Variants in RBFOX1 observed in about 807,000 individuals in gnomAD.
RBFOX1 encodes RNA binding fox-1 homolog 1.
Under a neutral mutation model 57.7 loss-of-function variants are expected in RBFOX1, and 8 were observed. The observed-to-expected ratio is 0.14, with a 90% CI of 0.08 to 0.25. The LOEUF is 0.25. Among genes scored for constraint, RBFOX1 ranks in the 10% least tolerant of loss-of-function variants. The pLI, the probability that RBFOX1 is intolerant of heterozygous loss-of-function variation, is 1.00. For missense variants in RBFOX1, 611 were observed against 548.5 expected (o/e 1.11, Z -1.14); for synonymous variants, 326 against 222.4 (o/e 1.47, Z -4.15).
At chr16:7,695,062 G>A (rs756800433) in intron 14 of RBFOX1, among the ~76,000 whole-genome samples, 9 of 152,188 alleles carry the variant, frequency 5.9e-5, no homozygotes, top group East Asian at 1.9e-4. Flanking sequence ...GTTTGCATGC[G>A]TGTGGTGAGT....
Position 7,217,008 on chromosome 16 carries a change from CT to C in RBFOX1, c.27+164912del, listed in dbSNP as rs1378526027. 1.1e-3 allele frequency among the ~76,000 whole-genome samples: 63 copies of C among 55,768 alleles called. 1 individual carries two copies. Among genetic ancestry groups the C allele is most frequent in the African/African-American group, 5.4e-3 (59 of 10,936 alleles). The allele number at this position is 55,768 out of a possible 152,430, so 36.6% of individuals were successfully genotyped here. A position where few individuals can be genotyped will look rare whatever the true frequency, so the allele number is the denominator to read the frequency against. ...TTTTCCTTCCTTCCTCCCTCCCTCCCTTCCCTCCCTCCCTCCCTCCCTCCCT... is the reference window on the plus strand; with the variant it reads ...TTTTCCTTCCTTCCTCCCTCCCTCCCTCCCTCCCTCCCTCCCTCCCTCCCT... On this transcript the variant is annotated intron_variant, in intron 4 of 15. Coordinates refer to ENST00000550418, the MANE Select transcript of RBFOX1 (RefSeq NM_018723.4).
chr16:6,550,885 A>G (rs1034655418), intron 2 of RBFOX1, among the ~76,000 whole-genome samples: 11 of 152,218 alleles, frequency 7.2e-5, no homozygotes, highest in Admixed American at 2.0e-4. Flanking sequence ...TTCTTCCCAG[A>G]CAAGTCTAAA....
At chr16:6,264,516 C>T (rs1007359860) in intron 1 of RBFOX1, among the ~76,000 whole-genome samples, 10 of 152,300 alleles carry the variant, frequency 6.6e-5, no homozygotes, top group South Asian at 2.1e-4. Context: ...CATCGGTTCT[C>T]ATTGCTTACC....
chr16:7,225,810 G>C (rs2093063075), intron 4 of RBFOX1, among the ~76,000 whole-genome samples: 6 of 147,404 alleles, frequency 4.1e-5, no homozygotes, highest in Admixed American at 4.1e-4. Flanking sequence ...TGTAAATGAC[G>C]AGTTAATGGG....
intron 4 of RBFOX1, among the ~76,000 whole-genome samples, chr16:7,507,757 G>A (rs1470649831): frequency 6.6e-6 from 1 of 151,800 alleles, no homozygotes; most frequent in African/African-American, 2.4e-5. Flanking sequence ...TAGAGACGCG[G>A]TTTCACCGTG....
chr16:5,921,386 C>A (rs1337653081), intron 4 of RBFOX1, among the ~76,000 whole-genome samples: 1 of 152,088 alleles, frequency 6.6e-6, no homozygotes, highest in Non-Finnish European at 1.5e-5. Flanking sequence ...AAGGTGGAAT[C>A]TGATGAAAGT....
intron 4 of RBFOX1, among the ~76,000 whole-genome samples, chr16:7,052,964 C>G (rs1460233482): frequency 1.3e-5 from 2 of 152,032 alleles, no homozygotes; most frequent in South Asian, 2.1e-4. Flanking sequence ...GAGAAATATG[C>G]TGCTTTTAAA....
At chr16:5,567,464 G>A (rs1177900214) in intron 2 of RBFOX1, among the ~76,000 whole-genome samples, 1 of 151,960 alleles carries the variant, frequency 6.6e-6, no homozygotes. Context: ...TTACAGACTG[G>A]GAAGCATGAA....
intron 2 of RBFOX1, among the ~76,000 whole-genome samples, chr16:6,348,212 G>A (rs1219024668): frequency 6.6e-6 from 1 of 152,130 alleles, no homozygotes; most frequent in East Asian, 1.9e-4. Context: ...GTGGGGTCAG[G>A]CCATCCAGGT....
At chr16:7,671,629 A>T (rs1417171782) in intron 13 of RBFOX1, 1 of 1,583,458 alleles carries the variant, frequency 6.3e-7, no homozygotes, top group Admixed American at 1.7e-5. Flanking sequence ...GGAGAAACTC[A>T]TCACTATGAT....
chr16:6,516,810 G>A (rs2096388283), intron 2 of RBFOX1, among the ~76,000 whole-genome samples: 1 of 152,122 alleles, frequency 6.6e-6, no homozygotes, highest in Admixed American at 6.6e-5. Flanking sequence ...AGTTGGTAGA[G>A]ACATTGCAAC....
intron 3 of RBFOX1, among the ~76,000 whole-genome samples, chr16:6,678,313 T>C (rs545155973): frequency 2.0e-5 from 3 of 152,176 alleles, no homozygotes; most frequent in African/African-American, 7.2e-5. Flanking sequence ...TTAGTAGAGA[T>C]GGGGTTTCAT....
At chr16:5,742,096 G>A (rs1431633610) in intron 3 of RBFOX1, among the ~76,000 whole-genome samples, 1 of 152,242 alleles carries the variant, frequency 6.6e-6, no homozygotes, top group South Asian at 2.1e-4. Context: ...TCTGATTCTG[G>A]AGCATAAGGA....
chr16:6,855,393 T>C (rs2057654185), intron 3 of RBFOX1, among the ~76,000 whole-genome samples: 1 of 152,050 alleles, frequency 6.6e-6, no homozygotes, highest in South Asian at 2.1e-4. Flanking sequence ...GGCTCACGCC[T>C]GTAATCCCAG....
chr16:6,315,945 C>T (rs984345505), intron 1 of RBFOX1, among the ~76,000 whole-genome samples: 3 of 152,122 alleles, frequency 2.0e-5, no homozygotes, highest in Non-Finnish European at 4.4e-5. Flanking sequence ...ATCTATATAT[C>T]TAGATATACC....
rs947255623 is a variant in RBFOX1 at position 6,592,257 on chromosome 16, G to T, written c.-63-62346G>T. Among the ~76,000 whole-genome samples, 3 of 152,154 alleles carry T rather than the reference G, an allele frequency of 2.0e-5. No homozygotes were observed. In the East Asian group the frequency reaches 5.8e-4, roughly 29 times the overall value. ...TGGGCTTTCTTTTGTGTGGTACTAGGCAGTAAGTTGGACATTGCATACATA... is the reference window on the plus strand; with the variant it reads ...TGGGCTTTCTTTTGTGTGGTACTAGTCAGTAAGTTGGACATTGCATACATA... On this transcript the variant is annotated intron_variant, in intron 2 of 15. Coordinates refer to ENST00000550418, the MANE Select transcript of RBFOX1 (RefSeq NM_018723.4).
intron 6 of RBFOX1, among the ~76,000 whole-genome samples, chr16:7,580,276 C>T (rs2093652428): frequency 6.6e-6 from 1 of 152,104 alleles, no homozygotes; most frequent in African/African-American, 2.4e-5. Context: ...ACATCGAGTC[C>T]TCTTGGTTTT....
At chr16:6,605,269 C>CAT (rs1567851176) in intron 2 of RBFOX1, among the ~76,000 whole-genome samples, 1 of 151,580 alleles carries the variant, frequency 6.6e-6, no homozygotes, top group Non-Finnish European at 1.5e-5. Flanking sequence ...CCAACACATA[C>CAT]AATTAAAGAA....
chr16:6,564,914 G>C (rs1047001642), intron 2 of RBFOX1, among the ~76,000 whole-genome samples: 2 of 152,096 alleles, frequency 1.3e-5, no homozygotes, highest in Non-Finnish European at 2.9e-5. Flanking sequence ...GCTAAGGTGG[G>C]AGGATCACTT....
Sources: allele counts gnomAD v4.1 joint callset (sites outside exome capture counted in the v4.1 genomes callset), GRCh38; gene constraint gnomAD v4.1.1; transcripts MANE v1.5; gene names NCBI Gene and HGNC (gene_info 2026-07-23, HGNC 2026-07-21).